The following COL16A1 variants were observed in gnomAD, a reference collection of about 807,000 sequenced individuals.
COL16A1 encodes collagen type XVI alpha 1 chain.
A neutral mutation model predicts 266.3 loss-of-function variants in COL16A1; 189 were observed. The ratio of observed to expected loss-of-function variants is 0.71; its 90% confidence interval spans 0.63 to 0.80. The LOEUF is 0.80. COL16A1 is among the 30% of genes least tolerant of loss of function. COL16A1 has a pLI of 0.00. For missense variants in COL16A1, 1,928 were observed against 2,122.4 expected, an observed-to-expected ratio of 0.91 and a Z score of 1.80; for synonymous variants, 740 against 782.3, an observed-to-expected ratio of 0.95 and a Z score of 0.90.
intron 26 of COL16A1, among the ~76,000 whole-genome samples, chr1:31,687,864 TAAC>T (rs1441976766): frequency 2.0e-5 from 3 of 152,148 alleles, no homozygotes; most frequent in Non-Finnish European, 2.9e-5. Flanking sequence ...AGAATTTGGG[TAAC>T]ATTTGGGTAA....
rs989154163 is a variant in COL16A1, at chr1:31,657,220, G to T, written c.4021-152C>A. On this transcript the variant is annotated intron_variant, in intron 64 of 70. Coordinates refer to ENST00000373672, the MANE Select transcript of COL16A1 (RefSeq NM_001856.4). The surrounding 1 kb of genome is among the most constrained non-coding windows in gnomAD (Gnocchi z 6.4). ...CCCTCTGACAATCTGGGCACAGGCC[G>T]TGGAAACTTAGACCCCCACCCCATA... 1.1e-6 allele frequency: 1 copy of T among 940,994 alleles called. No individual in the cohort carries two copies. Among genetic ancestry groups the T allele is most frequent in the Non-Finnish European group, 1.6e-6 (1 of 606,304 alleles). 58.3% of individuals were successfully genotyped at this position (940,994 alleles called of 1,614,324 possible). A position where few individuals can be genotyped will look rare whatever the true frequency, so the allele number is the denominator to read the frequency against.
intron 2 of COL16A1, 145 bp from the exon 3 acceptor site, chr1:31,700,260 T>C (rs1644677305): frequency 4.0e-6 from 3 of 751,146 alleles, no homozygotes; most frequent in African/African-American, 3.5e-5. Context: ...ACCTGCCTTC[T>C]GACCCTGGCT....
intron 35 of COL16A1, 21 bp downstream of exon 35, chr1:31,683,313 T>C (rs764707848): frequency 1.1e-5 from 17 of 1,614,116 alleles, no homozygotes; most frequent in Non-Finnish European, 1.4e-5. Flanking sequence ...CTATCCTCCT[T>C]CAGGACTCAG....
intron 26 of COL16A1, among the ~76,000 whole-genome samples, chr1:31,687,964 C>G (rs1211593238): frequency 6.6e-6 from 1 of 152,174 alleles, no homozygotes; most frequent in Non-Finnish European, 1.5e-5. Context: ...TTGAGTGACC[C>G]ACAGGCGTAG....
intron 1 of COL16A1, among the ~76,000 whole-genome samples, chr1:31,703,485 G>C (rs1340643061): frequency 6.6e-6 from 1 of 152,082 alleles, no homozygotes; most frequent in Non-Finnish European, 1.5e-5. Context: ...GCCAATAGAA[G>C]GGCTGCCAGC....
chr1:31,661,284 G>A (rs1415870486), intron 60 of COL16A1, 130 bp downstream of exon 60: 2 of 1,526,464 alleles, frequency 1.3e-6, no homozygotes, highest in African/African-American at 1.4e-5. Context: ...AGTCTGCCAG[G>A]CACCAGTGGC....
chr1:31,666,661 C>T (rs1321647165), intron 52 of COL16A1, among the ~76,000 whole-genome samples: 1 of 152,046 alleles, frequency 6.6e-6, no homozygotes, highest in African/African-American at 2.4e-5. Flanking sequence ...GGAAGCTGTT[C>T]CTGCAGTGCC....
chr1:31,697,788 C>G lies in COL16A1; in HGVS notation c.657+118G>C. 1 of 1,269,950 alleles carries G rather than the reference C, an allele frequency of 7.9e-7. No homozygotes were observed. Among genetic ancestry groups the G allele is most frequent in the Non-Finnish European group, 1.1e-6 (1 of 923,414 alleles). 78.7% of individuals were successfully genotyped at this position (1,269,950 alleles called of 1,614,324 possible). A position where few individuals can be genotyped will look rare whatever the true frequency, so the allele number is the denominator to read the frequency against. Reference sequence around the variant, plus strand: ...TGTTTAGGCTGCATTTGGAGGGCAACAGGAAAGCAGGGGAAGATTCTAAGC... The same window carrying G: ...TGTTTAGGCTGCATTTGGAGGGCAAGAGGAAAGCAGGGGAAGATTCTAAGC... On this transcript the variant is annotated intron_variant, in intron 6 of 70. Coordinates refer to ENST00000373672, the MANE Select transcript of COL16A1 (RefSeq NM_001856.4). This position sits in a 1 kb window ranked among gnomAD's most constrained non-coding sequence, Gnocchi z 4.2.
chr1:31,653,812 T>C, intron 69 of COL16A1, 55 bp downstream of exon 69: 5 of 1,579,774 alleles, frequency 3.2e-6, no homozygotes, highest in Non-Finnish European at 4.3e-6. Flanking sequence ...ATGGAATACT[T>C]AGGCCTGCCC....
rs370812655 is a variant in COL16A1 at position 31,685,765 on chromosome 1, C to A, written c.1890G>T (p.Glu630Asp). ...GPAGIKGAKG[E>D]PCEPCPALSN... Reference sequence around the variant, plus strand: ...ACAGGGCTGGGCACGGCTCACAGGGCTCCCCCTGCCAAGCAAGGACATTGA... The same window carrying A: ...ACAGGGCTGGGCACGGCTCACAGGGATCCCCCTGCCAAGCAAGGACATTGA... The change falls in exon 29 of 71, where the codon GAG (glutamate) becomes GAT (aspartate). Residue 630 changes from glutamate (E) to aspartate (D), a missense_variant. By Grantham distance (45) the Glu-to-Asp change is conservative. Transcript: ENST00000373672. The surrounding 1 kb of genome is among the most constrained non-coding windows in gnomAD (Gnocchi z 4.0). The A allele has an allele frequency of 6.2e-7, 1 of 1,613,796 alleles. No homozygotes were observed. The highest frequency in any genetic ancestry group is 1.3e-5 in the African/African-American group (1 of 75,050).
At chr1:31,658,429 A>G (rs1041836133) in intron 64 of COL16A1, 59 bp downstream of exon 64, 1 of 1,381,400 alleles carries the variant, frequency 7.2e-7, no homozygotes, top group African/African-American at 1.4e-5. Context: ...TGTGCTCAAC[A>G]GGCCTTGAGC....
At chr1:31,692,542 G>A (rs1360643849) in intron 15 of COL16A1, 33 bp from the exon 16 acceptor site, 1 of 1,613,932 alleles carries the variant, frequency 6.2e-7, no homozygotes, top group Non-Finnish European at 8.5e-7. Context: ...AGGAAGGGAG[G>A]GTAAGGCTGG....
chr1:31,680,465 C>T (rs888734545), intron 39 of COL16A1, among the ~76,000 whole-genome samples: 2 of 152,196 alleles, frequency 1.3e-5, no homozygotes, highest in African/African-American at 4.8e-5. Flanking sequence ...TGCAGCCCCA[C>T]TCCTCTGGGC....
chr1:31,683,805 T>C, intron 33 of COL16A1, 57 bp from the exon 34 acceptor site: 1 of 1,612,816 alleles, frequency 6.2e-7, no homozygotes, highest in Admixed American at 1.7e-5. Flanking sequence ...CCTTTCCCCT[T>C]CTCCCCAGCC....
rs971279790 is a variant in COL16A1, at chr1:31,657,405, A to G, written c.4021-337T>C. The G allele has an allele frequency of 1.3e-5, 4 of 307,988 alleles. No homozygotes were observed. Among genetic ancestry groups the G allele is most frequent in the African/African-American group, 6.3e-5 (3 of 47,360 alleles). The allele number at this position is 307,988 out of a possible 1,614,324, so 19.1% of individuals were successfully genotyped here. A position where few individuals can be genotyped will look rare whatever the true frequency, so the allele number is the denominator to read the frequency against. ...TGTTAAACGTTTGCTGAATGAACAC[A>G]TGAACAGCCTGAGCCGGCCCCCTCC... On this transcript the variant is annotated intron_variant, in intron 64 of 70. Coordinates refer to ENST00000373672, the MANE Select transcript of COL16A1 (RefSeq NM_001856.4). This position sits in a 1 kb window ranked among gnomAD's most constrained non-coding sequence, Gnocchi z 6.4.
chr1:31,658,604 G>C, intron 63 of COL16A1, 27 bp from the exon 64 acceptor site: 1 of 1,575,696 alleles, frequency 6.3e-7, no homozygotes, highest in Non-Finnish European at 8.6e-7. Context: ...GGGACAGTGA[G>C]AGGGGAGGAA....
Position 31,662,673 on chromosome 1 carries a change from C to G in COL16A1, c.3556-15G>C. On this transcript the variant is annotated splice_polypyrimidine_tract_variant and intron_variant, in intron 56 of 70. Coordinates refer to ENST00000373672, the MANE Select transcript of COL16A1 (RefSeq NM_001856.4). Reference sequence around the variant, plus strand: ...CCTTCGCTGCCCTGGAAACCAGCGCCGCCCCCCCCCCCCGCCCCACAATAA... The same window carrying G: ...CCTTCGCTGCCCTGGAAACCAGCGCGGCCCCCCCCCCCCGCCCCACAATAA... 1 of 1,174,486 alleles carries G rather than the reference C, an allele frequency of 8.5e-7. No homozygotes were observed. The highest frequency in any genetic ancestry group is 1.2e-6 in the Non-Finnish European group (1 of 836,246). The allele number at this position is 1,174,486 out of a possible 1,614,324, so 72.8% of individuals were successfully genotyped here. A position where few individuals can be genotyped will look rare whatever the true frequency, so the allele number is the denominator to read the frequency against.
Position 31,697,836 on chromosome 1 carries a change from C to A in COL16A1, c.657+70G>T. 1.3e-6 allele frequency: 2 copies of A among 1,504,162 alleles called. No homozygotes were observed. Among genetic ancestry groups the A allele is most frequent in the South Asian group, 1.3e-5 (1 of 78,156 alleles). 93.2% of individuals were successfully genotyped at this position (1,504,162 alleles called of 1,614,324 possible). ...AGCAGGAGAAGGACTTGTTCCGATA[C>A]GGATTCCAGGAAGCCCACTCAGGTT... On this transcript the variant is annotated intron_variant, in intron 6 of 70. Coordinates refer to ENST00000373672, the MANE Select transcript of COL16A1 (RefSeq NM_001856.4). The surrounding 1 kb of genome is among the most constrained non-coding windows in gnomAD (Gnocchi z 4.2).
chr1:31,655,994 AT>A, intron 66 of COL16A1: 1 of 304,606 alleles, frequency 3.3e-6, no homozygotes, highest in Non-Finnish European at 6.2e-6. Flanking sequence ...CCTCCCTCTC[AT>A]CCCACAGCGC....
Sources: allele counts gnomAD v4.1 joint callset (sites outside exome capture counted in the v4.1 genomes callset), GRCh38; gene constraint gnomAD v4.1.1; non-coding constraint Gnocchi (gnomAD v3.1); transcripts MANE v1.5; gene names NCBI Gene and HGNC (gene_info 2026-07-23, HGNC 2026-07-21).